Variants in DNM3 observed in about 807,000 individuals in gnomAD.
DNM3 encodes the protein dynamin-3.
A neutral mutation model predicts 101.6 loss-of-function variants in DNM3; 47 were observed. The observed-to-expected ratio is 0.46, with a 90% CI of 0.37 to 0.59. The LOEUF is 0.59. Among genes scored for constraint, DNM3 ranks in the 20% least tolerant of loss-of-function variants. DNM3 has a pLI of 0.00. For synonymous variants in DNM3, 385 were observed against 387.9 expected (o/e 0.99, Z 0.09); for missense variants, 849 against 1,085.7 (o/e 0.78, Z 3.06).
chr1:172,283,253 C>A (rs1423447053), intron 15 of DNM3, among the ~76,000 whole-genome samples: 4 of 152,180 alleles, frequency 2.6e-5, no homozygotes. Context: ...CCTCATCTCT[C>A]TTCTCTTTAG....
chr1:172,056,838 G>T (rs1399904428), intron 10 of DNM3, among the ~76,000 whole-genome samples: 7 of 152,174 alleles, frequency 4.6e-5, no homozygotes, highest in African/African-American at 1.7e-4. Flanking sequence ...AACAAAGCTG[G>T]ACGGAGAACG....
At chr1:172,008,157 GTC>G (rs760926639) in intron 4 of DNM3, among the ~76,000 whole-genome samples, 10 of 151,026 alleles carry the variant, frequency 6.6e-5, no homozygotes, top group Non-Finnish European at 1.3e-4. Flanking sequence ...TTTGTAGGTT[GTC>G]TCTTTCTCTG....
In DNM3 at chr1:171,921,783, G is replaced by A. The variant is rs1461046046; in HGVS notation, c.197G>A (p.Arg66Lys). The stretch of plus-strand genomic sequence containing the variant: ...CCTCGAGGGTCGGGCATTGTAACAA[G>A]ACGACCTCTTGTGCTGCAGCTTGTT... ...FLPRGSGIVTRRPLVLQLVTS... is the reference protein window; with the variant it reads ...FLPRGSGIVTKRPLVLQLVTS... The change falls in exon 2 of 21, where the codon AGA (arginine) becomes AAA (lysine). Residue 66 changes from arginine to lysine, a missense_variant. Around this residue, in one of 5 missense-constraint regions of DNM3, gnomAD observed 388 missense variants for 483.0 expected, o/e 0.80. Coordinates refer to ENST00000627582, the MANE Select transcript of DNM3 (RefSeq NM_015569.5). 1.2e-6 allele frequency: 2 copies of A among 1,602,348 alleles called. No homozygotes were observed. The highest frequency in any genetic ancestry group is 1.7e-6 in the Non-Finnish European group (2 of 1,173,774).
chr1:171,909,381 C>T (rs183201501), intron 1 of DNM3, among the ~76,000 whole-genome samples: 41 of 150,602 alleles, frequency 2.7e-4, no homozygotes, highest in Non-Finnish European at 4.4e-4. Flanking sequence ...TTCAGTGAGC[C>T]GCGCCGAGAT....
intron 4 of DNM3, among the ~76,000 whole-genome samples, chr1:172,012,253 G>T (rs2047178084): frequency 6.6e-6 from 1 of 152,044 alleles, no homozygotes; most frequent in Non-Finnish European, 1.5e-5. Context: ...GGGACGTAGG[G>T]AGTTATTATA....
In DNM3 at chr1:172,055,931, C is replaced by T. The variant is rs145891480; in HGVS notation, c.1335+7181C>T. ...ATTTCTGCATTTCCATCTGAGGTACCGGGTTCATCTCACTAGGGAGTGCCA... is the reference window on the plus strand; with the variant it reads ...ATTTCTGCATTTCCATCTGAGGTACTGGGTTCATCTCACTAGGGAGTGCCA... On this transcript the variant is annotated intron_variant, in intron 10 of 20. Coordinates refer to ENST00000627582, the MANE Select transcript of DNM3 (RefSeq NM_015569.5). Among the ~76,000 whole-genome samples the T allele has an allele frequency of 7.1e-3, 1,075 of 152,214 alleles. 21 individuals carry two copies. Among genetic ancestry groups the T allele is most frequent in the African/African-American group, 0.024 (1,012 of 41,530 alleles).
chr1:172,073,281 GTA>G lies in DNM3; in HGVS notation c.1422+4383_1422+4384del, dbSNP rs1007373178. ...TACATATACGTATATATGCTTATAT[GTA>G]TATATACACATATAAGTATATGTGT... On this transcript the variant is annotated intron_variant, in intron 11 of 20. Coordinates refer to ENST00000627582, the MANE Select transcript of DNM3 (RefSeq NM_015569.5). 5.2e-5 allele frequency among the ~76,000 whole-genome samples: 7 copies of G among 133,388 alleles called. No individual in the cohort carries two copies. In the South Asian group the frequency reaches 7.5e-4, roughly 14 times the overall value. 87.5% of individuals were successfully genotyped at this position (133,388 alleles called of 152,430 possible).
At chr1:172,051,321 G>T (rs1354811535) in intron 10 of DNM3, among the ~76,000 whole-genome samples, 1 of 152,076 alleles carries the variant, frequency 6.6e-6, no homozygotes, top group Non-Finnish European at 1.5e-5. Flanking sequence ...CCAAGTTCCA[G>T]GTCACTCCCT....
At chr1:172,405,619 T>C (rs1416481683) in intron 20 of DNM3, among the ~76,000 whole-genome samples, 1 of 152,086 alleles carries the variant, frequency 6.6e-6, no homozygotes, top group Non-Finnish European at 1.5e-5. Context: ...ATCAACTTTT[T>C]ATTTAATGAA....
At chr1:171,909,683 G>A (rs980607737) in intron 1 of DNM3, among the ~76,000 whole-genome samples, 1 of 152,012 alleles carries the variant, frequency 6.6e-6, no homozygotes, top group African/African-American at 2.4e-5. Context: ...ATATATTTTT[G>A]TATGTAGTTT....
chr1:172,231,541 C>T (rs1194163710), intron 14 of DNM3, among the ~76,000 whole-genome samples: 1 of 152,170 alleles, frequency 6.6e-6, no homozygotes, highest in Admixed American at 6.5e-5. Flanking sequence ...GAGCACCTCT[C>T]CTCCTCCAAA....
In DNM3 at chr1:172,217,965, C is replaced by T. The variant is rs563188151; in HGVS notation, c.1660-35608C>T. 4.7e-4 allele frequency among the ~76,000 whole-genome samples: 72 copies of T among 152,124 alleles called. 1 individual carries two copies. The highest frequency in any genetic ancestry group is 1.8e-3 in the Admixed American group (27 of 15,274). On this transcript the variant is annotated intron_variant, in intron 14 of 20. Coordinates refer to ENST00000627582, the MANE Select transcript of DNM3 (RefSeq NM_015569.5). ...TGAATAACATTCTATATTTGTTCAG[C>T]GTATTTTAGATAATGAGGTAGGAAA...
chr1:171,889,975 T>C (rs2037122629), intron 1 of DNM3, among the ~76,000 whole-genome samples: 1 of 152,214 alleles, frequency 6.6e-6, no homozygotes, highest in Non-Finnish European at 1.5e-5. Flanking sequence ...AGCTTCATTT[T>C]GTGTTGCTCT....
chr1:172,290,052 A>G, intron 15 of DNM3: 1 of 916,698 alleles, frequency 1.1e-6, no homozygotes, highest in Non-Finnish European at 1.3e-6. Flanking sequence ...TTTATTGTCA[A>G]TAATCTTTGA....
intron 4 of DNM3, among the ~76,000 whole-genome samples, chr1:172,008,000 C>G (rs558052059): frequency 6.6e-6 from 1 of 152,124 alleles, no homozygotes; most frequent in African/African-American, 2.4e-5. Flanking sequence ...ATTTGTACGT[C>G]TTCTTTTGAG....
intron 1 of DNM3, among the ~76,000 whole-genome samples, chr1:171,873,795 C>A (rs1386730691): frequency 6.6e-6 from 1 of 152,174 alleles, no homozygotes; most frequent in Admixed American, 6.5e-5. Context: ...CTTTCTTTTT[C>A]CCCTCAATGA....
chr1:171,984,046 T>G, intron 2 of DNM3, among the ~76,000 whole-genome samples: 1 of 152,174 alleles, frequency 6.6e-6, no homozygotes, highest in Admixed American at 6.5e-5. Flanking sequence ...ATGCTTCTCT[T>G]TCTCTCATAT....
chr1:172,388,561 CT>C lies in DNM3; in HGVS notation c.2286-7del. On this transcript the variant is annotated splice_polypyrimidine_tract_variant and intron_variant, in intron 19 of 20. Coordinates refer to ENST00000627582, the MANE Select transcript of DNM3 (RefSeq NM_015569.5). ...GAGGAGTGAGCAAACTATGATTTCT[CT>C]TTTTCCTCAGGTCACCTCCTCCAAG... 1 of 1,608,818 alleles carries C rather than the reference CT, an allele frequency of 6.2e-7. No homozygotes were observed. Among genetic ancestry groups the C allele is most frequent in the Non-Finnish European group, 8.5e-7 (1 of 1,175,488 alleles).
intron 17 of DNM3, among the ~76,000 whole-genome samples, chr1:172,327,984 A>C (rs1377189675): frequency 6.6e-6 from 1 of 152,202 alleles, no homozygotes; most frequent in Non-Finnish European, 1.5e-5. Context: ...GGGAGAAGGA[A>C]CAGTTTAATT....
Sources: allele counts gnomAD v4.1 joint callset (sites outside exome capture counted in the v4.1 genomes callset), GRCh38; gene constraint gnomAD v4.1.1; regional missense constraint gnomAD v4.1.1; transcripts MANE v1.5; gene names NCBI Gene and HGNC (gene_info 2026-07-23, HGNC 2026-07-21).